Variants in CAPN3 observed in about 807,000 individuals in gnomAD.
CAPN3 encodes calpain-3.
A neutral mutation model predicts 114.0 loss-of-function variants in CAPN3; 88 were observed. The observed-to-expected ratio is 0.77, with a 90% confidence interval of 0.65 to 0.92. The LOEUF (loss-of-function observed/expected upper bound fraction) is 0.92. CAPN3 is among the 40% of genes least tolerant of loss of function. CAPN3 has a pLI of 0.00. For synonymous variants in CAPN3, 386 were observed against 382.9 expected (o/e 1.01, Z -0.09); for missense variants, 1,028 against 1,069.0 (o/e 0.96, Z 0.53).
rs2052786439 is a variant in CAPN3, at chr15:42,366,739, T to C, written c.309+6625T>C. On this transcript the variant is annotated intron_variant, in intron 1 of 23. Coordinates refer to ENST00000397163, the MANE Select transcript of CAPN3 (RefSeq NM_000070.3). ...AGGAGAGCTAGAACTGAAAGGAAAA[T>C]GGAGTGGAGGAAGCAACAGGGCTTG... Among the ~76,000 whole-genome samples, 3 of 151,460 alleles carry C rather than the reference T, an allele frequency of 2.0e-5. No homozygotes were observed. The South Asian group carries it at 6.2e-4, about 32-fold the overall frequency.
At chr15:42,377,858 C>A (rs2053131764) in intron 1 of CAPN3, among the ~76,000 whole-genome samples, 1 of 152,148 alleles carries the variant, frequency 6.6e-6, no homozygotes, top group African/African-American at 2.4e-5. Context: ...AGGTATAGTG[C>A]TATTCAGATT....
At chr15:42,394,424 G>A (rs948660950) in intron 8 of CAPN3, 83 bp downstream of exon 8, 3 of 1,059,310 alleles carry the variant, frequency 2.8e-6, no homozygotes, top group African/African-American at 3.1e-5. Flanking sequence ...AGCCATGAGA[G>A]TATTGAAGAT....
At chr15:42,404,809 C>T (rs2053973159) in intron 14 of CAPN3, 2 of 1,075,714 alleles carry the variant, frequency 1.9e-6, no homozygotes, top group Non-Finnish European at 2.3e-6. Flanking sequence ...AGTGCCAGGT[C>T]TCCAAGTGCC....
chr15:42,402,833 C>G lies in CAPN3; in HGVS notation c.1576C>G (p.Leu526Val). The G allele has an allele frequency of 6.2e-7, 1 of 1,614,186 alleles. No individual in the cohort carries two copies. Among genetic ancestry groups the G allele is most frequent in the Non-Finnish European group, 8.5e-7 (1 of 1,180,014 alleles). Reference sequence around the variant, plus strand: ...GCAGCACCTGCAGAAGGACTTCTTCCTGTACAACGCCTCCAAGGCCAGGAG... The same window carrying G: ...GCAGCACCTGCAGAAGGACTTCTTCGTGTACAACGCCTCCAAGGCCAGGAG... Reference protein sequence around the residue: ...NKQHLQKDFFLYNASKARSKT... With the variant: ...NKQHLQKDFFVYNASKARSKT... The change falls in exon 13 of 24, where the codon CTG (leucine) becomes GTG (valine). Residue 526 changes from leucine to valine, a missense_variant. Physicochemically the swap from Leu to Val is conservative, Grantham distance 32 (BLOSUM62 1). Coordinates refer to ENST00000397163, the MANE Select transcript of CAPN3 (RefSeq NM_000070.3).
chr15:42,400,963 GCAGGCGGAT>G (rs1392932246), intron 10 of CAPN3, among the ~76,000 whole-genome samples: 1 of 152,140 alleles, frequency 6.6e-6, no homozygotes, highest in Non-Finnish European at 1.5e-5. Flanking sequence ...GGAGGCTGAG[GCAGGCGGAT>G]CACTTGTGGT....
chr15:42,372,853 C>A (rs896079706), intron 1 of CAPN3, among the ~76,000 whole-genome samples: 1 of 147,424 alleles, frequency 6.8e-6, no homozygotes, highest in African/African-American at 2.5e-5. Flanking sequence ...ATCTCAACAA[C>A]AAAAAAATTA....
At chr15:42,399,051 C>G (rs1175452685) in intron 9 of CAPN3, among the ~76,000 whole-genome samples, 3 of 152,114 alleles carry the variant, frequency 2.0e-5, no homozygotes, top group Non-Finnish European at 4.4e-5. Context: ...TCCCAAAGTG[C>G]TGGGATTACA....
In CAPN3 at chr15:42,359,611, G is replaced by C. The variant is rs2052585711; in HGVS notation, c.-195G>C. ...TTTCTCAGGAGAACTTATGGCTTCA[G>C]AATCACAGCTCGGTTTTTAAGATGG... On this transcript the variant is annotated 5_prime_UTR_variant, in exon 1 of 24. Transcript: ENST00000397163. The C allele has an allele frequency of 7.0e-7, 1 of 1,431,308 alleles. No homozygotes were observed. Among genetic ancestry groups the C allele is most frequent in the South Asian group, 1.5e-5 (1 of 65,468 alleles). The allele number at this position is 1,431,308 out of a possible 1,614,324, so 88.7% of individuals were successfully genotyped here.
rs887893684 is a variant in CAPN3 at position 42,399,793 on chromosome 15, C to T, written c.1354+141C>T. The stretch of plus-strand genomic sequence containing the variant: ...TTCCCTGTTTTACTGAGAAGGAAAC[C>T]ACCATGCTGAGAAGTTTGCAATAGG... On this transcript the variant is annotated intron_variant, in intron 10 of 23. Coordinates refer to ENST00000397163, the MANE Select transcript of CAPN3 (RefSeq NM_000070.3). 7.4e-5 allele frequency: 57 copies of T among 772,380 alleles called. No homozygotes were observed. The East Asian group carries it at 1.5e-3, about 20-fold the overall frequency. 47.8% of individuals were successfully genotyped at this position (772,380 alleles called of 1,614,324 possible). A position where few individuals can be genotyped will look rare whatever the true frequency, so the allele number is the denominator to read the frequency against.
At chr15:42,391,356 G>A (rs140417293) in intron 6 of CAPN3, among the ~76,000 whole-genome samples, 8 of 152,108 alleles carry the variant, frequency 5.3e-5, no homozygotes, top group Non-Finnish European at 8.8e-5. Context: ...TGGGTTGAAT[G>A]ATATGCTTAG....
chr15:42,402,020 G>C, intron 11 of CAPN3, 104 bp from the exon 12 acceptor site: 2 of 1,478,930 alleles, frequency 1.4e-6, no homozygotes, highest in South Asian at 2.3e-5. Context: ...CAGGTGCCTG[G>C]GGGTCAGGCT....
At chr15:42,362,939 T>C (rs1316308088) in intron 1 of CAPN3, among the ~76,000 whole-genome samples, 1 of 152,200 alleles carries the variant, frequency 6.6e-6, no homozygotes, top group East Asian at 1.9e-4. Context: ...GCTTTTACTG[T>C]CTAAGGCACA....
At chr15:42,380,296 T>A (rs2141144126) in intron 1 of CAPN3, among the ~76,000 whole-genome samples, 2 of 152,060 alleles carry the variant, frequency 1.3e-5, no homozygotes, top group Middle Eastern at 6.8e-3. Flanking sequence ...CTGCCCCTTT[T>A]TCTGGCTTCT....
chr15:42,391,431 C>T (rs1030145909), intron 6 of CAPN3, among the ~76,000 whole-genome samples: 3 of 152,070 alleles, frequency 2.0e-5, no homozygotes, highest in South Asian at 2.1e-4. Flanking sequence ...ATGAGTCTCC[C>T]GCCCCCTCCC....
rs1278777392 is a variant in CAPN3, at chr15:42,409,946, C to T, written c.2066C>T (p.Thr689Ile). 2 of 1,612,274 alleles carry T rather than the reference C, an allele frequency of 1.2e-6. No individual in the cohort carries two copies. Among genetic ancestry groups the T allele is most frequent in the Non-Finnish European group, 1.7e-6 (2 of 1,179,890 alleles). Residue 689 changes from threonine (T) to isoleucine (I), a missense_variant, in exon 19 of 24, where the codon ACA becomes ATA. By Grantham distance (89) the Thr-to-Ile change is moderately conservative (BLOSUM62 -1). Coordinates refer to ENST00000397163, the MANE Select transcript of CAPN3 (RefSeq NM_000070.3). Reference sequence around the variant, plus strand: ...ATCCCCCCAGACAAGGACCTGAAGACACACGGGTTCACACTGGAGTCCTGC... The same window carrying T: ...ATCCCCCCAGACAAGGACCTGAAGATACACGGGTTCACACTGGAGTCCTGC... ...TVVNKHKDLK[T>I]HGFTLESCRS...
At chr15:42,377,047 A>C (rs79701537) in intron 1 of CAPN3, among the ~76,000 whole-genome samples, 2,601 of 152,254 alleles carry the variant, frequency 0.017, 75 homozygotes, top group African/African-American at 0.059. Flanking sequence ...CTCACTTATT[A>C]GTTCCCAGTG....
intron 4 of CAPN3, among the ~76,000 whole-genome samples, chr15:42,388,194 C>T (rs2053454456): frequency 6.6e-6 from 1 of 152,226 alleles, no homozygotes; most frequent in Non-Finnish European, 1.5e-5. Context: ...CATTGTATCT[C>T]TGGAGCTCAG....
intron 9 of CAPN3, among the ~76,000 whole-genome samples, chr15:42,398,609 ACACAC>A (rs2053769684): frequency 6.7e-6 from 1 of 148,662 alleles, no homozygotes; most frequent in Non-Finnish European, 1.5e-5. Context: ...ACACACACAC[ACACAC>A]ACACACACAC....
chr15:42,381,621 A>T (rs1219700645), intron 1 of CAPN3, among the ~76,000 whole-genome samples: 1 of 152,028 alleles, frequency 6.6e-6, no homozygotes, highest in Non-Finnish European at 1.5e-5. Context: ...GCTCACTGCA[A>T]CCTCTGCCTT....
Sources: allele counts gnomAD v4.1 joint callset (sites outside exome capture counted in the v4.1 genomes callset), GRCh38; gene constraint gnomAD v4.1.1; transcripts MANE v1.5; gene names NCBI Gene and HGNC (gene_info 2026-07-23, HGNC 2026-07-21).